MAGI2: variants seen among roughly 807,000 people sequenced by gnomAD.
The protein encoded by MAGI2 is membrane-associated guanylate kinase, WW and PDZ domain-containing protein 2.
Under a neutral mutation model 133.3 loss-of-function variants are expected in MAGI2, and 35 were observed. That is an observed-to-expected ratio of 0.26 (90% confidence interval 0.20 to 0.35). The LOEUF (loss-of-function observed/expected upper bound fraction) is 0.35, where lower values mean the gene tolerates loss of function less well. Ranked by LOEUF, MAGI2 falls within the 10% of genes least tolerant of loss-of-function variation. The pLI is 1.00. For missense variants in MAGI2, 1,636 were observed against 1,863.4 expected, an observed-to-expected ratio of 0.88 and a Z score of 2.25; for synonymous variants, 729 against 710.6, an observed-to-expected ratio of 1.03 and a Z score of -0.41.
At chr7:79,412,643 T>C (rs9641588) in intron 1 of MAGI2, 22,582 of 152,092 alleles carry the variant, frequency 0.15, 1,852 homozygotes, top group East Asian at 0.29. Flanking sequence ...AGGTGTGGCA[T>C]AGAGGAAAGA....
At chr7:79,124,289 T>C (rs2129544868) in intron 1 of MAGI2, among the ~76,000 whole-genome samples, 1 of 152,350 alleles carries the variant, frequency 6.6e-6, no homozygotes, top group East Asian at 1.9e-4. Context: ...ATCATTAAAA[T>C]GCCTACCAAT....
intron 16 of MAGI2, among the ~76,000 whole-genome samples, chr7:78,142,461 C>T: frequency 6.6e-6 from 1 of 152,136 alleles, no homozygotes; most frequent in East Asian, 1.9e-4. Context: ...CTCCCCTGTA[C>T]ATCACTAGAA....
intron 1 of MAGI2, among the ~76,000 whole-genome samples, chr7:79,220,451 T>G (rs1474402291): frequency 6.6e-6 from 1 of 152,006 alleles, no homozygotes; most frequent in Non-Finnish European, 1.5e-5. Flanking sequence ...AAGTCTTTAA[T>G]GACCCCAATA....
intron 2 of MAGI2, among the ~76,000 whole-genome samples, chr7:78,878,572 G>A (rs1201494346): frequency 6.6e-6 from 1 of 152,160 alleles, no homozygotes; most frequent in Non-Finnish European, 1.5e-5. Flanking sequence ...AAAATCACAT[G>A]CCAATATTTC....
intron 1 of MAGI2, among the ~76,000 whole-genome samples, chr7:79,033,609 A>G (rs1270957026): frequency 6.6e-6 from 1 of 152,180 alleles, no homozygotes; most frequent in East Asian, 1.9e-4. Context: ...GCTTGTTATT[A>G]ATTTGCATTA....
chr7:78,093,509 C>A (rs901846953), intron 20 of MAGI2, among the ~76,000 whole-genome samples: 4 of 151,482 alleles, frequency 2.6e-5, no homozygotes, highest in Non-Finnish European at 5.9e-5. Context: ...ACCAACCTAA[C>A]ATATGTAGAA....
At chr7:78,819,550 G>T (rs969198280) in intron 2 of MAGI2, among the ~76,000 whole-genome samples, 2 of 151,970 alleles carry the variant, frequency 1.3e-5, no homozygotes, top group Admixed American at 1.3e-4. Flanking sequence ...AATTGAAACA[G>T]ACTAAAAATA....
chr7:78,440,880 G>A (rs1185776313), intron 6 of MAGI2, among the ~76,000 whole-genome samples: 2 of 152,116 alleles, frequency 1.3e-5, no homozygotes, highest in East Asian at 1.9e-4. Flanking sequence ...TTGAATCTCC[G>A]AGTTTGGGGC....
intron 1 of MAGI2, among the ~76,000 whole-genome samples, chr7:79,308,598 A>G (rs1838009095): frequency 6.6e-6 from 1 of 152,224 alleles, no homozygotes; most frequent in Admixed American, 6.5e-5. Flanking sequence ...ATATCTATTG[A>G]GACAGCTGAA....
intron 9 of MAGI2, among the ~76,000 whole-genome samples, chr7:78,302,533 T>A (rs1300041379): frequency 6.6e-6 from 1 of 152,192 alleles, no homozygotes; most frequent in African/African-American, 2.4e-5. Context: ...TCTATTCTGC[T>A]TCTGTGTTTC....
intron 1 of MAGI2, among the ~76,000 whole-genome samples, chr7:79,127,603 AG>A (rs2129545086): frequency 6.6e-6 from 1 of 152,256 alleles, no homozygotes; most frequent in South Asian, 2.1e-4. Context: ...TCTTCTTTTG[AG>A]AAGTGTCTAT....
At position 79,211,505 on chromosome 7, in the gene MAGI2, G is replaced by A. The variant is rs957044677; in HGVS notation, c.302-204299C>T. Among the ~76,000 whole-genome samples the A allele has an allele frequency of 1.3e-4, 19 of 151,256 alleles. 1 individual carries two copies. Among genetic ancestry groups the A allele is most frequent in the African/African-American group, 4.6e-4 (19 of 40,986 alleles). ...GGCAGGGTCTCACTGTGCTGCCCAGGCTGGTCTTGAACTCCTGGGCTCAAG... is the reference window on the plus strand; with the variant it reads ...GGCAGGGTCTCACTGTGCTGCCCAGACTGGTCTTGAACTCCTGGGCTCAAG... On this transcript the variant is annotated intron_variant, in intron 1 of 21. Transcript: ENST00000354212.
intron 1 of MAGI2, among the ~76,000 whole-genome samples, chr7:79,244,403 C>T (rs1438517385): frequency 2.0e-5 from 3 of 152,214 alleles, no homozygotes; most frequent in African/African-American, 7.2e-5. Context: ...CCTCTCCCAT[C>T]CTCCAGCATT....
intron 1 of MAGI2, among the ~76,000 whole-genome samples, chr7:79,192,716 A>G (rs192662669): frequency 6.6e-6 from 1 of 152,026 alleles, no homozygotes; most frequent in African/African-American, 2.4e-5. Flanking sequence ...TTATAAAATA[A>G]GAGAGATACA....
At chr7:78,662,627 G>A (rs962037758) in intron 2 of MAGI2, among the ~76,000 whole-genome samples, 4 of 151,924 alleles carry the variant, frequency 2.6e-5, no homozygotes, top group Non-Finnish European at 5.9e-5. Context: ...TCTATAGTGT[G>A]TCTACACCAT....
intron 2 of MAGI2, among the ~76,000 whole-genome samples, chr7:78,701,031 GA>G (rs1487202246): frequency 2.0e-5 from 3 of 151,026 alleles, no homozygotes; most frequent in African/African-American, 7.3e-5. Context: ...AGTAATCCAT[GA>G]AGTCTACAAT....
intron 2 of MAGI2, among the ~76,000 whole-genome samples, chr7:78,924,799 C>T (rs1799558868): frequency 2.0e-5 from 3 of 151,744 alleles, no homozygotes; most frequent in South Asian, 2.1e-4. Flanking sequence ...AACAACAGTT[C>T]CCCCTACTGG....
Position 78,160,170 on chromosome 7 carries a change from G to T in MAGI2, c.2700C>A (p.Ala900=). 1 of 1,612,904 alleles carries T rather than the reference G, an allele frequency of 6.2e-7. No individual in the cohort carries two copies. The highest frequency in any genetic ancestry group is 8.5e-7 in the Non-Finnish European group (1 of 1,179,434). The part of the protein sequence containing the change: ...YATYTNSNHA[A]PSSNASPPEG... ...CAGGGGGAGAGGCATTGCTACTGGG[G>T]GCAGCGTGGTTGCTGTTGGTGTAGG... The change falls in exon 16 of 22, where the codon GCC becomes GCA. Residue 900 remains alanine, a synonymous_variant. Coordinates refer to ENST00000354212, the MANE Select transcript of MAGI2 (RefSeq NM_012301.4).
intron 2 of MAGI2, among the ~76,000 whole-genome samples, chr7:78,804,810 G>A (rs927849943): frequency 6.7e-6 from 1 of 149,704 alleles, no homozygotes; most frequent in Non-Finnish European, 1.5e-5. Flanking sequence ...GCTCCTGCCT[G>A]TAATCCCAGC....
Sources: gnomAD v4.1 joint callset for allele counts (sites outside exome capture counted in the v4.1 genomes callset) on GRCh38, gnomAD v4.1.1 for gene constraint, MANE v1.5 for transcripts, NCBI Gene and HGNC (gene_info 2026-07-23, HGNC 2026-07-21) for gene names.